Variants in TMPRSS4 observed in about 807,000 individuals in gnomAD.
TMPRSS4 encodes transmembrane serine protease 4.
TMPRSS4 carries 45 observed loss-of-function variants against 56.4 expected under a neutral mutation model. The observed-to-expected ratio is 0.80, with a 90% CI of 0.63 to 1.02. The LOEUF (loss-of-function observed/expected upper bound fraction) is 1.02. Among genes scored for constraint, TMPRSS4 ranks in the 50% least tolerant of loss-of-function variants. The probability of loss-of-function intolerance (pLI) is 0.00; values close to 1 mark genes in which losing one functional copy is unlikely to be tolerated. For missense variants in TMPRSS4, 546 were observed against 556.7 expected, an observed-to-expected ratio of 0.98 and a Z score of 0.19; for synonymous variants, 205 against 211.0, an observed-to-expected ratio of 0.97 and a Z score of 0.25.
intron 1 of TMPRSS4, among the ~76,000 whole-genome samples, chr11:118,086,086 A>T (rs1281908055): frequency 6.6e-6 from 1 of 152,204 alleles, no homozygotes; most frequent in Non-Finnish European, 1.5e-5. Flanking sequence ...GCATGTACAA[A>T]TACCTCACTC....
At chr11:118,082,969 G>C (rs988195765) in intron 1 of TMPRSS4, among the ~76,000 whole-genome samples, 2 of 152,132 alleles carry the variant, frequency 1.3e-5, no homozygotes. Context: ...CAGAATCCTC[G>C]TATGGGACAC....
chr11:118,090,669 T>G (rs1156754040), intron 1 of TMPRSS4, among the ~76,000 whole-genome samples: 1 of 150,702 alleles, frequency 6.6e-6, no homozygotes, highest in Admixed American at 6.6e-5. Flanking sequence ...TCCCAGCTAC[T>G]CAGGAGACTG....
intron 1 of TMPRSS4, among the ~76,000 whole-genome samples, chr11:118,092,842 G>A (rs932292347): frequency 6.6e-6 from 1 of 152,234 alleles, no homozygotes; most frequent in African/African-American, 2.4e-5. Flanking sequence ...ATTTTGCCAA[G>A]GCAGTTTCAA....
chr11:118,095,415 C>G (rs1251160578), intron 2 of TMPRSS4: 1 of 158,762 alleles, frequency 6.3e-6, no homozygotes, highest in Non-Finnish European at 1.4e-5. Flanking sequence ...GAGCAAGGAA[C>G]ACGTTAATAT....
At position 118,117,260 on chromosome 11, in the gene TMPRSS4, A is replaced by T. The variant is rs773411883; in HGVS notation, c.1153-45A>T. On this transcript the variant is annotated intron_variant, in intron 11 of 12. Coordinates refer to ENST00000437212, the MANE Select transcript of TMPRSS4 (RefSeq NM_019894.4). Reference sequence around the variant, plus strand: ...GGAGCAGAGAAGGAGAAGCCCCCCCACCTCACCTGCCCTCCCCAGCAGTCT... The same window carrying T: ...GGAGCAGAGAAGGAGAAGCCCCCCCTCCTCACCTGCCCTCCCCAGCAGTCT... The T allele has an allele frequency of 3.1e-6, 5 of 1,607,950 alleles. No homozygotes were observed. The Admixed American group carries it at 6.7e-5, about 21-fold the overall frequency.
rs542043752 is a variant in TMPRSS4, at chr11:118,111,426, C to T, written c.584-315C>T. Reference sequence around the variant, plus strand: ...CCTGGGCAGGGCTTTCGTAATTCTGCATCACTTGTGAAGGTCACAGATTCC... The same window carrying T: ...CCTGGGCAGGGCTTTCGTAATTCTGTATCACTTGTGAAGGTCACAGATTCC... On this transcript the variant is annotated intron_variant, in intron 7 of 12. Transcript: ENST00000437212. Among the ~76,000 whole-genome samples the T allele has an allele frequency of 2.0e-5, 3 of 152,218 alleles. No individual in the cohort carries two copies. The East Asian group carries it at 5.8e-4, about 29-fold the overall frequency.
At chr11:118,078,010 T>C (rs1944800183) in intron 1 of TMPRSS4, among the ~76,000 whole-genome samples, 1 of 56,366 alleles carries the variant, frequency 1.8e-5, no homozygotes, top group South Asian at 6.8e-4. Flanking sequence ...TGAAACTCCG[T>C]CTCAAAAAAA....
At chr11:118,086,071 A>G (rs1363724034) in intron 1 of TMPRSS4, among the ~76,000 whole-genome samples, 2 of 152,254 alleles carry the variant, frequency 1.3e-5, no homozygotes, top group African/African-American at 4.8e-5. Context: ...AATTTAGCCC[A>G]AGGGGCATGT....
chr11:118,084,037 CA>C (rs1214284458), intron 1 of TMPRSS4, among the ~76,000 whole-genome samples: 1 of 152,146 alleles, frequency 6.6e-6, no homozygotes, highest in Non-Finnish European at 1.5e-5. Flanking sequence ...GACTCCATCT[CA>C]AAAACAAAAC....
Position 118,118,233 on chromosome 11 carries a change from A to G in TMPRSS4, c.*320A>G. 1 of 1,272,884 alleles carries G rather than the reference A, an allele frequency of 7.9e-7. No homozygotes were observed. 78.8% of individuals were successfully genotyped at this position (1,272,884 alleles called of 1,614,324 possible). On this transcript the variant is annotated 3_prime_UTR_variant, in exon 13 of 13. Transcript: ENST00000437212. ...CTTTCCCACACTACTGAATGGAAGCAGGCTGTCTTGTAAAAGCCCAGATCA... is the reference window on the plus strand; with the variant it reads ...CTTTCCCACACTACTGAATGGAAGCGGGCTGTCTTGTAAAAGCCCAGATCA...
Position 118,118,313 on chromosome 11 carries a change from C to G in TMPRSS4, c.*400C>G. On this transcript the variant is annotated 3_prime_UTR_variant, in exon 13 of 13. Transcript: ENST00000437212. The stretch of plus-strand genomic sequence containing the variant: ...CTGCGCCAGCCCTGTCCGTCTTCAC[C>G]CATCCCCAAGCCTACTAGAGCAAGA... 1 of 1,080,964 alleles carries G rather than the reference C, an allele frequency of 9.3e-7. No homozygotes were observed. The highest frequency in any genetic ancestry group is 1.1e-6 in the Non-Finnish European group (1 of 891,832). The allele number at this position is 1,080,964 out of a possible 1,614,324, so 67.0% of individuals were successfully genotyped here.
At chr11:118,123,009 C>A (rs1454008462), downstream of TMPRSS4, among the ~76,000 whole-genome samples, 1 of 152,138 alleles carries the variant, frequency 6.6e-6, no homozygotes, top group Non-Finnish European at 1.5e-5. Flanking sequence ...TCACCAGACA[C>A]CGAATCTGCT....
At chr11:118,093,232 C>T (rs1054984537) in intron 1 of TMPRSS4, among the ~76,000 whole-genome samples, 1 of 152,174 alleles carries the variant, frequency 6.6e-6, no homozygotes, top group African/African-American at 2.4e-5. Flanking sequence ...CAAGCAACAC[C>T]CAGGGACCCT....
At chr11:118,098,018 C>T (rs533955063) in intron 2 of TMPRSS4, among the ~76,000 whole-genome samples, 1 of 152,360 alleles carries the variant, frequency 6.6e-6, no homozygotes, top group East Asian at 1.9e-4. Flanking sequence ...GATCCACCCA[C>T]CTCGGCCTCC....
At chr11:118,084,686 T>C (rs1945407909) in intron 1 of TMPRSS4, among the ~76,000 whole-genome samples, 1 of 152,242 alleles carries the variant, frequency 6.6e-6, no homozygotes, top group African/African-American at 2.4e-5. Flanking sequence ...CAGAGAGCAC[T>C]AATTTTCACT....
chr11:118,122,948 A>G (rs887785027), downstream of TMPRSS4, among the ~76,000 whole-genome samples: 1 of 152,166 alleles, frequency 6.6e-6, no homozygotes, highest in African/African-American at 2.4e-5. Flanking sequence ...CCCTTCTGCC[A>G]TGTGAGGACA....
chr11:118,117,776 T>C, intron 12 of TMPRSS4, 126 bp from the exon 13 acceptor site: 2 of 1,584,648 alleles, frequency 1.3e-6, no homozygotes, highest in East Asian at 2.2e-5. Context: ...TGAGACCTCC[T>C]GGCCCTCTGC....
downstream of TMPRSS4, chr11:118,125,376 C>T (rs576318052): frequency 2.9e-5 from 13 of 455,896 alleles, no homozygotes; most frequent in Non-Finnish European, 5.3e-5. Context: ...GATGGAGCTA[C>T]GGTCAGCTCG....
At chr11:118,099,437 A>C (rs1946605964) in intron 3 of TMPRSS4, among the ~76,000 whole-genome samples, 3 of 144,412 alleles carry the variant, frequency 2.1e-5, no homozygotes, top group African/African-American at 2.6e-5. Flanking sequence ...AGAGAGAGAA[A>C]AAGAAAGAAG....
Sources: gnomAD v4.1 joint callset for allele counts (sites outside exome capture counted in the v4.1 genomes callset) on GRCh38, gnomAD v4.1.1 for gene constraint, MANE v1.5 for transcripts, NCBI Gene and HGNC (gene_info 2026-07-23, HGNC 2026-07-21) for gene names.